SYNE2: variants seen among roughly 807,000 people sequenced by gnomAD.
SYNE2 encodes spectrin repeat containing nuclear envelope protein 2.
In SYNE2, 431 loss-of-function variants were observed where a neutral mutation model predicts 856.3. That is an observed-to-expected ratio of 0.50 (90% CI 0.47 to 0.55). SYNE2 has a LOEUF of 0.55. SYNE2 is among the 20% of genes least tolerant of loss of function. The pLI, the probability that SYNE2 is intolerant of heterozygous loss-of-function variation, is 0.00. For synonymous variants in SYNE2, 2,923 were observed against 2,872.3 expected (o/e 1.02, Z -0.56); for missense variants, 8,129 against 8,023.2 (o/e 1.01, Z -0.50).
chr14:64,167,449 G>A, intron 91 of SYNE2, 46 bp from the exon 92 acceptor site: 1 of 1,614,218 alleles, frequency 6.2e-7, no homozygotes, highest in Non-Finnish European at 8.5e-7. Flanking sequence ...TTCAGCTCGG[G>A]AATGGCATTG....
At chr14:63,990,371 A>G (rs749232104) in intron 19 of SYNE2, 40 bp from the exon 20 acceptor site, 41 of 1,596,352 alleles carry the variant, frequency 2.6e-5, no homozygotes, top group Non-Finnish European at 3.5e-5. Context: ...GCATATAATC[A>G]GAATGTTTAT....
intron 66 of SYNE2, among the ~76,000 whole-genome samples, chr14:64,114,932 C>G (rs1479671190): frequency 6.6e-6 from 1 of 152,132 alleles, no homozygotes; most frequent in African/African-American, 2.4e-5. Context: ...AAAGTCAGTT[C>G]TAAAGGGATA....
At chr14:64,078,774 T>C (rs981042726) in intron 55 of SYNE2, among the ~76,000 whole-genome samples, 168 bp downstream of exon 55, 22 of 152,236 alleles carry the variant, frequency 1.4e-4, no homozygotes, top group South Asian at 4.2e-4. Flanking sequence ...AAGTTGCATT[T>C]AAAAATTATT....
chr14:63,880,028 ATTTTC>A (rs1451348154), intron 1 of SYNE2, among the ~76,000 whole-genome samples: 1 of 151,910 alleles, frequency 6.6e-6, no homozygotes, highest in Non-Finnish European at 1.5e-5. Flanking sequence ...TATTTTATTT[ATTTTC>A]TTATTTCACT....
At chr14:64,150,009 T>A in intron 84 of SYNE2, among the ~76,000 whole-genome samples, 2 of 55,416 alleles carry the variant, frequency 3.6e-5, no homozygotes, top group East Asian at 7.8e-4. Flanking sequence ...TTTCTTTTCT[T>A]TTTTTTTTTT....
intron 6 of SYNE2, 119 bp from the exon 7 acceptor site, chr14:63,949,706 C>A: frequency 1.0e-6 from 1 of 995,976 alleles, no homozygotes; most frequent in Non-Finnish European, 1.6e-6. Context: ...TTCATTTCAC[C>A]AGGAGTAAAC....
In SYNE2 at chr14:64,053,678, A is replaced by C. The variant is rs201447422; in HGVS notation, c.9744+21A>C. On this transcript the variant is annotated intron_variant, in intron 48 of 115. Transcript: ENST00000555002. ...GCACAGTAAGTTTTAAAAATTATGC[A>C]GTTAGTGGCTGGGTGCGGGGGCTCA... 9.1e-5 allele frequency: 147 copies of C among 1,610,544 alleles called. No homozygotes were observed. The African/African-American group carries it at 1.7e-3, about 19-fold the overall frequency.
intron 45 of SYNE2, among the ~76,000 whole-genome samples, chr14:64,038,175 C>T (rs539720324): frequency 6.6e-6 from 1 of 150,434 alleles, no homozygotes; most frequent in East Asian, 2.0e-4. Flanking sequence ...GGCGGCGGGG[C>T]AGAGACGCTC....
chr14:64,003,421 T>A, intron 30 of SYNE2, 91 bp downstream of exon 30: 1 of 1,503,804 alleles, frequency 6.6e-7, no homozygotes. Flanking sequence ...TCCTATGTCT[T>A]TCTGCTTCTA....
chr14:63,950,445 C>A (rs976682426), intron 7 of SYNE2, among the ~76,000 whole-genome samples: 5 of 152,042 alleles, frequency 3.3e-5, no homozygotes, highest in Admixed American at 2.0e-4. Context: ...ATCCCAGCTA[C>A]TTGGGAGGCT....
At chr14:63,887,908 A>G (rs576909859) in intron 1 of SYNE2, among the ~76,000 whole-genome samples, 43 of 152,012 alleles carry the variant, frequency 2.8e-4, no homozygotes, top group African/African-American at 1.0e-3. Context: ...ATGTGCCACC[A>G]TGCCCGGCTA....
At chr14:63,771,277 A>C (rs1207628473) in intron 1 of SYNE2, among the ~76,000 whole-genome samples, 1 of 151,586 alleles carries the variant, frequency 6.6e-6, no homozygotes, top group African/African-American at 2.4e-5. Context: ...TCACCGTGTT[A>C]GCCAGGATGG....
intron 115 of SYNE2, 29 bp downstream of exon 115, chr14:64,225,074 C>T (rs747050834): frequency 2.4e-5 from 38 of 1,609,888 alleles, no homozygotes; most frequent in Admixed American, 1.7e-4. Context: ...GACAGCAGTG[C>T]GTTCCCCTGC....
chr14:64,216,433 T>A (rs1472989292), intron 108 of SYNE2, 46 bp downstream of exon 108: 1 of 1,593,712 alleles, frequency 6.3e-7, no homozygotes, highest in East Asian at 2.2e-5. Context: ...CTGTGAGTCA[T>A]ACTTACATTT....
intron 49 of SYNE2, among the ~76,000 whole-genome samples, chr14:64,058,741 A>G (rs932993400): frequency 4.6e-5 from 7 of 152,300 alleles, no homozygotes; most frequent in Non-Finnish European, 1.5e-5. Context: ...TCTGCCACCC[A>G]AAGTGTTGGG....
intron 95 of SYNE2, 45 bp from the exon 96 acceptor site, chr14:64,177,313 C>T (rs2098439606): frequency 6.2e-7 from 1 of 1,612,276 alleles, no homozygotes; most frequent in Non-Finnish European, 8.5e-7. Context: ...ACAATTCATT[C>T]TAAAGAGCAA....
intron 99 of SYNE2, among the ~76,000 whole-genome samples, chr14:64,197,267 C>T (rs530321828): frequency 1.3e-5 from 2 of 152,242 alleles, no homozygotes; most frequent in South Asian, 2.1e-4. Flanking sequence ...GGGTTCTTTC[C>T]CAGCGTCAGC....
chr14:63,852,236 G>A (rs1890590236), upstream of SYNE2, among the ~76,000 whole-genome samples: 1 of 152,152 alleles, frequency 6.6e-6, no homozygotes, highest in Admixed American at 6.5e-5. Flanking sequence ...GGAACTTCAA[G>A]TGCCTTAGTA....
At chr14:64,161,829 T>G (rs1342267478) in intron 87 of SYNE2, among the ~76,000 whole-genome samples, 57 of 152,176 alleles carry the variant, frequency 3.7e-4, no homozygotes, top group Admixed American at 3.7e-3. Flanking sequence ...CATAGGTATT[T>G]GTTGCCAATC....
Sources: gnomAD v4.1 joint callset for allele counts (sites outside exome capture counted in the v4.1 genomes callset) on GRCh38, gnomAD v4.1.1 for gene constraint, MANE v1.5 for transcripts, NCBI Gene and HGNC (gene_info 2026-07-23, HGNC 2026-07-21) for gene names.